The following MICAL2 variants were observed in gnomAD, a reference collection of about 807,000 sequenced individuals.
MICAL2 encodes [F-actin]-monooxygenase MICAL2.
A neutral mutation model predicts 127.3 loss-of-function variants in MICAL2; 77 were observed. The observed-to-expected ratio is 0.60, with a 90% CI of 0.50 to 0.73. The LOEUF (loss-of-function observed/expected upper bound fraction) is 0.73, where lower values mean the gene tolerates loss of function less well. MICAL2 is among the 30% of genes least tolerant of loss of function. The pLI, the probability that MICAL2 is intolerant of heterozygous loss-of-function variation, is 0.00. For missense variants in MICAL2, 1,351 were observed against 1,434.4 expected, an observed-to-expected ratio of 0.94 and a Z score of 0.94; for synonymous variants, 570 against 551.1, an observed-to-expected ratio of 1.03 and a Z score of -0.48.
chr11:12,155,241 A>T (rs1437039366), intron 2 of MICAL2, among the ~76,000 whole-genome samples: 1 of 152,152 alleles, frequency 6.6e-6, no homozygotes, highest in East Asian at 1.9e-4. Flanking sequence ...GCTGGCTAGA[A>T]ATCCTTATGG....
chr11:12,212,023 T>A (rs1303949971), intron 6 of MICAL2, among the ~76,000 whole-genome samples: 1 of 152,148 alleles, frequency 6.6e-6, no homozygotes, highest in African/African-American at 2.4e-5. Flanking sequence ...ATGGTCCATG[T>A]TCCACGGGAT....
At chr11:12,211,339 C>T (rs1384582707) in intron 6 of MICAL2, among the ~76,000 whole-genome samples, 3 of 152,154 alleles carry the variant, frequency 2.0e-5, no homozygotes, top group Non-Finnish European at 2.9e-5. Flanking sequence ...CAAGATCGCA[C>T]CACTGCACTC....
At chr11:12,196,206 A>T (rs1859898513) in intron 3 of MICAL2, 1 of 153,300 alleles carries the variant, frequency 6.5e-6, no homozygotes. Flanking sequence ...GTGAGGTAAG[A>T]GGAGAAGAAC....
intron 22 of MICAL2, chr11:12,254,566 T>C (rs553320640): frequency 6.6e-6 from 1 of 152,398 alleles, no homozygotes; most frequent in South Asian, 2.1e-4. Context: ...CGCAGGTTTT[T>C]GGGGCTTTTG....
chr11:12,354,531 G>A (rs895749547), intron 33 of MICAL2, among the ~76,000 whole-genome samples: 1 of 151,708 alleles, frequency 6.6e-6, no homozygotes, highest in South Asian at 2.1e-4. Flanking sequence ...CCAGCTACTT[G>A]GGAGGCTGAG....
chr11:12,293,710 C>T, downstream of MICAL2: 1 of 1,614,060 alleles, frequency 6.2e-7, no homozygotes, highest in Non-Finnish European at 8.5e-7. Flanking sequence ...GGGCAGAGTA[C>T]TGCCTGGTGA....
intron 12 of MICAL2, 76 bp downstream of exon 12, chr11:12,223,577 G>A: frequency 7.5e-7 from 1 of 1,339,304 alleles, no homozygotes; most frequent in Middle Eastern, 2.5e-4. Flanking sequence ...AGTGACCGTG[G>A]TGACACAGGC....
At chr11:12,349,356 T>A (rs973069884) in intron 32 of MICAL2, among the ~76,000 whole-genome samples, 1 of 152,112 alleles carries the variant, frequency 6.6e-6, no homozygotes, top group Admixed American at 6.5e-5. Context: ...CAGTCAGCAC[T>A]CCTCTGTGAC....
chr11:12,220,495 G>A lies in MICAL2; in HGVS notation c.1206+37G>A, dbSNP rs369693616. ...GCTCGGAGCCCCCATGTTTCTCTGC[G>A]AGACAGATCCCACGTTTGTATTCTG... On this transcript the variant is annotated intron_variant, in intron 9 of 27. Coordinates refer to ENST00000683283, the MANE Select transcript of MICAL2 (RefSeq NM_001282663.2). The A allele has an allele frequency of 5.5e-5, 88 of 1,593,918 alleles. 1 individual carries two copies. The highest frequency in any genetic ancestry group is 4.7e-4 in the African/African-American group (35 of 74,764).
At chr11:12,354,364 CAGG>C (rs1365334740) in intron 33 of MICAL2, among the ~76,000 whole-genome samples, 1 of 151,956 alleles carries the variant, frequency 6.6e-6, no homozygotes, top group East Asian at 1.9e-4. Flanking sequence ...CCCAGCTACT[CAGG>C]AGGCTGAGGC....
rs762254519 is a variant in MICAL2, at chr11:12,204,369, C to T, written c.384C>T (p.His128=). 2.5e-6 allele frequency: 4 copies of T among 1,612,510 alleles called. No homozygotes were observed. Among genetic ancestry groups the T allele is most frequent in the South Asian group, 1.1e-5 (1 of 90,966 alleles). The change falls in exon 4 of 28, where the codon CAC becomes CAT. Residue 128 remains histidine, a synonymous_variant. Coordinates refer to ENST00000683283, the MANE Select transcript of MICAL2 (RefSeq NM_001282663.2). ...CCTTCTCCCGGAACAACGTGCTACACCTCTGGCCTTTCACCATCCATGACC... is the reference window on the plus strand; with the variant it reads ...CCTTCTCCCGGAACAACGTGCTACATCTCTGGCCTTTCACCATCCATGACC... ...RDSFSRNNVL[H]LWPFTIHDLR... is the part of the protein sequence containing the mutation.
chr11:12,162,664 A>G (rs997670028), intron 3 of MICAL2, among the ~76,000 whole-genome samples: 2 of 152,210 alleles, frequency 1.3e-5, no homozygotes, highest in African/African-American at 4.8e-5. Context: ...AGAGAAGCCC[A>G]TGCTTGATAT....
At chr11:12,237,409 A>G (rs1176496842) in intron 16 of MICAL2, among the ~76,000 whole-genome samples, 2 of 152,222 alleles carry the variant, frequency 1.3e-5, no homozygotes, top group Non-Finnish European at 2.9e-5. Context: ...GCACAAGGCT[A>G]CAGACACATT....
chr11:12,130,427 C>T (rs910011227), intron 1 of MICAL2, among the ~76,000 whole-genome samples: 2 of 152,130 alleles, frequency 1.3e-5, no homozygotes, highest in African/African-American at 4.8e-5. Flanking sequence ...GTACTTACTC[C>T]CTGGGAGGCA....
chr11:12,345,134 A>G (rs569949955), intron 32 of MICAL2, among the ~76,000 whole-genome samples: 174 of 151,922 alleles, frequency 1.1e-3, no homozygotes, highest in Middle Eastern at 3.4e-3. Flanking sequence ...AAAAGAAAAA[A>G]GAAAGAAAGA....
downstream of MICAL2, among the ~76,000 whole-genome samples, chr11:12,293,044 G>T (rs186917926): frequency 1.3e-5 from 2 of 152,358 alleles, no homozygotes; most frequent in Non-Finnish European, 2.9e-5. Flanking sequence ...TGCCACCACA[G>T]CTTCAGCCCA....
At chr11:12,136,895 A>G (rs1391290453) in intron 1 of MICAL2, among the ~76,000 whole-genome samples, 1 of 152,134 alleles carries the variant, frequency 6.6e-6, no homozygotes, top group African/African-American at 2.4e-5. Flanking sequence ...TGGTCTCCGT[A>G]ATGCCCTAGG....
At chr11:12,325,906 G>A (rs1864348870) in intron 31 of MICAL2, among the ~76,000 whole-genome samples, 1 of 152,210 alleles carries the variant, frequency 6.6e-6, no homozygotes, top group Non-Finnish European at 1.5e-5. Context: ...CAATTCTACA[G>A]CATGCCAGCA....
At chr11:12,144,004 C>T (rs1852623919) in intron 2 of MICAL2, among the ~76,000 whole-genome samples, 1 of 152,044 alleles carries the variant, frequency 6.6e-6, no homozygotes, top group Non-Finnish European at 1.5e-5. Flanking sequence ...TTCCTGCACA[C>T]CCCCACTTTA....
Sources: gnomAD v4.1 joint callset for allele counts (sites outside exome capture counted in the v4.1 genomes callset) on GRCh38, gnomAD v4.1.1 for gene constraint, MANE v1.5 for transcripts, NCBI Gene and HGNC (gene_info 2026-07-23, HGNC 2026-07-21) for gene names.